The following SOX5 variants were observed in gnomAD, a reference collection of about 807,000 sequenced individuals.
SOX5 encodes the protein transcription factor SOX-5.
SOX5 carries 9 observed loss-of-function variants against 92.0 expected under a neutral mutation model. The ratio of observed to expected loss-of-function variants is 0.10; its 90% CI spans 0.06 to 0.17. SOX5 has a LOEUF of 0.17. Among genes scored for constraint, SOX5 ranks in the 10% least tolerant of loss-of-function variants. The pLI is 1.00. For missense variants in SOX5, 642 were observed against 944.5 expected (o/e 0.68, Z 4.20); for synonymous variants, 344 against 336.3 (o/e 1.02, Z -0.25).
chr12:24,505,190 G>T (rs1473435794), intron 1 of SOX5, among the ~76,000 whole-genome samples: 1 of 152,128 alleles, frequency 6.6e-6, no homozygotes, highest in Non-Finnish European at 1.5e-5. Context: ...AGAAATAATG[G>T]CTCAATCTGC....
intron 4 of SOX5, among the ~76,000 whole-genome samples, chr12:24,110,962 G>A (rs1486245938): frequency 2.1e-5 from 3 of 144,296 alleles, no homozygotes; most frequent in East Asian, 2.0e-4. Flanking sequence ...TGATGACTTC[G>A]TTCTCAAATT....
chr12:23,872,971 C>A (rs4963724), intron 2 of SOX5, among the ~76,000 whole-genome samples: 152,369 of 152,370 alleles, frequency 1, 76,184 homozygotes, highest in Non-Finnish European at 1. Context: ...CTAATTGCGT[C>A]GTCAAAATGA....
chr12:23,831,247 G>A (rs900788194), intron 3 of SOX5, among the ~76,000 whole-genome samples: 6 of 151,920 alleles, frequency 3.9e-5, no homozygotes, highest in African/African-American at 1.5e-4. Context: ...ATATCAAAAC[G>A]ATAAATGAAA....
chr12:23,983,121 T>A (rs1010480391), intron 4 of SOX5, among the ~76,000 whole-genome samples: 2 of 146,698 alleles, frequency 1.4e-5, no homozygotes, highest in Admixed American at 6.9e-5. Flanking sequence ...TTTTTTTTTT[T>A]AAGTAAGCCC....
At chr12:23,895,464 G>A (rs2097167775) in intron 2 of SOX5, among the ~76,000 whole-genome samples, 1 of 151,834 alleles carries the variant, frequency 6.6e-6, no homozygotes, top group East Asian at 1.9e-4. Flanking sequence ...ACTTTTATTA[G>A]AAAAAGTATG....
chr12:24,106,749 G>A (rs1302377767), intron 4 of SOX5, among the ~76,000 whole-genome samples: 2 of 150,294 alleles, frequency 1.3e-5, no homozygotes, highest in African/African-American at 4.9e-5. Flanking sequence ...CCGAGATCGT[G>A]CCACTGCACT....
At chr12:24,213,626 C>A in intron 3 of SOX5, among the ~76,000 whole-genome samples, 1 of 150,394 alleles carries the variant, frequency 6.6e-6, no homozygotes. Flanking sequence ...AGACCAGATT[C>A]ATAGCCATAA....
chr12:23,678,379 A>G (rs1013715609), intron 6 of SOX5, among the ~76,000 whole-genome samples: 2 of 152,128 alleles, frequency 1.3e-5, no homozygotes, highest in Non-Finnish European at 2.9e-5. Flanking sequence ...CATAATGACA[A>G]TATTTAAATA....
chr12:24,403,269 T>C (rs1048664651), intron 1 of SOX5, among the ~76,000 whole-genome samples: 2 of 152,200 alleles, frequency 1.3e-5, no homozygotes, highest in African/African-American at 4.8e-5. Flanking sequence ...GCAACCTCTT[T>C]GGCCACTCTC....
At chr12:23,777,537 T>C (rs1389429676) in intron 3 of SOX5, among the ~76,000 whole-genome samples, 1 of 152,208 alleles carries the variant, frequency 6.6e-6, no homozygotes, top group Admixed American at 6.5e-5. Context: ...CCATAACGTC[T>C]GCCTCTATTC....
At position 23,888,768 on chromosome 12, in the gene SOX5, G is replaced by T. The variant is rs565858562; in HGVS notation, c.270+7025C>A. On this transcript the variant is annotated intron_variant, in intron 2 of 14. Coordinates refer to ENST00000451604, the MANE Select transcript of SOX5 (RefSeq NM_006940.6). ...ATTATATCTAGATAAACAGCTTCGT[G>T]TGGTATTTTGTGACAACATTTACAG... is the stretch of plus-strand genomic sequence containing the variant. Among the ~76,000 whole-genome samples, 6 of 152,300 alleles carry T rather than the reference G, an allele frequency of 3.9e-5. No homozygotes were observed. In the South Asian group the frequency reaches 1.2e-3, roughly 32 times the overall value.
chr12:23,948,521 A>G (rs1297616943), intron 1 of SOX5, among the ~76,000 whole-genome samples: 1 of 152,034 alleles, frequency 6.6e-6, no homozygotes, highest in African/African-American at 2.4e-5. Context: ...ATAGTCAGAT[A>G]CAACAAATGT....
chr12:24,497,116 T>C (rs1566310761), intron 1 of SOX5, among the ~76,000 whole-genome samples: 1 of 152,224 alleles, frequency 6.6e-6, no homozygotes, highest in Non-Finnish European at 1.5e-5. Context: ...CACTGTACAA[T>C]CTACAGCTAG....
chr12:23,994,863 G>C (rs762113896), intron 4 of SOX5, among the ~76,000 whole-genome samples: 1 of 152,172 alleles, frequency 6.6e-6, no homozygotes, highest in Non-Finnish European at 1.5e-5. Flanking sequence ...GAGAAATCAA[G>C]CTGTTACTGT....
chr12:24,493,771 G>A (rs1361862729), intron 1 of SOX5, among the ~76,000 whole-genome samples: 1 of 152,014 alleles, frequency 6.6e-6, no homozygotes, highest in African/African-American at 2.4e-5. Context: ...GGCTGAGGCA[G>A]GAGAATGGTG....
chr12:24,105,302 A>G (rs530907987), intron 4 of SOX5, among the ~76,000 whole-genome samples: 13 of 152,312 alleles, frequency 8.5e-5, no homozygotes, highest in Admixed American at 6.5e-4. Flanking sequence ...GCATTTTGGG[A>G]TGTCAAGGTG....
chr12:24,212,991 G>C (rs1958803511), intron 4 of SOX5, among the ~76,000 whole-genome samples: 1 of 152,064 alleles, frequency 6.6e-6, no homozygotes, highest in Admixed American at 6.5e-5. Context: ...CATTCTACAT[G>C]TTTTAAGAAT....
chr12:24,118,400 AAATT>A lies in SOX5; in HGVS notation c.-2+94939_-2+94942del, dbSNP rs371983569. ...CAATTATTATCTGTCAATTAAAAAT[AAATT>A]AATTAAAGGAATGAAATAGAAATGC... On this transcript the variant is annotated intron_variant, in intron 4 of 4. Coordinates refer to the SOX5 transcript ENST00000446891. Among the ~76,000 whole-genome samples, 367 of 152,332 alleles carry A rather than the reference AAATT, an allele frequency of 2.4e-3. 1 individual carries two copies. The highest frequency in any genetic ancestry group is 8.5e-3 in the African/African-American group (355 of 41,586).
In SOX5 at chr12:24,118,121, G is replaced by A. The variant is rs553152396; in HGVS notation, c.-2+95222C>T. On this transcript the variant is annotated intron_variant, in intron 4 of 4. Coordinates refer to the SOX5 transcript ENST00000446891. ...GGGGGTGGGAAGGGATGAGGAAAAC[G>A]GAGATGTTGATCAAAAGTTACAAGG... 5.3e-5 allele frequency among the ~76,000 whole-genome samples: 8 copies of A among 151,844 alleles called. No homozygotes were observed. In the East Asian group the frequency reaches 7.7e-4, roughly 15 times the overall value.
Sources: gnomAD v4.1 joint callset for allele counts (sites outside exome capture counted in the v4.1 genomes callset) on GRCh38, gnomAD v4.1.1 for gene constraint, MANE v1.5 for transcripts, NCBI Gene and HGNC (gene_info 2026-07-23, HGNC 2026-07-21) for gene names.